Variants in ADAP2 observed in about 807,000 individuals in gnomAD.
The protein encoded by ADAP2 is arf-GAP with dual PH domain-containing protein 2.
ADAP2 carries 42 observed loss-of-function variants against 54.9 expected under a neutral mutation model. That is an observed-to-expected ratio of 0.77 (90% confidence interval 0.60 to 0.99). ADAP2 has a LOEUF of 0.99. Ranked by LOEUF, ADAP2 falls within the 50% of genes least tolerant of loss-of-function variation. ADAP2 has a pLI of 0.00. For synonymous variants in ADAP2, 177 were observed against 180.1 expected, an observed-to-expected ratio of 0.98 and a Z score of 0.14; for missense variants, 429 against 480.4, an observed-to-expected ratio of 0.89 and a Z score of 1.00.
intron 8 of ADAP2, 129 bp from the exon 9 acceptor site, chr17:30,954,349 G>A: frequency 1.3e-6 from 1 of 755,034 alleles, no homozygotes; most frequent in Non-Finnish European, 2.3e-6. Context: ...TAGGATGTCT[G>A]ACTGAGGAGG....
intron 2 of ADAP2, among the ~76,000 whole-genome samples, chr17:30,923,683 T>A (rs1323940342): frequency 3.3e-5 from 5 of 151,278 alleles, no homozygotes; most frequent in African/African-American, 1.2e-4. Context: ...TTCTCTTTTT[T>A]TCTTTCTTCC....
At position 30,933,625 on chromosome 17, in the gene ADAP2, G is replaced by C. The variant is rs556427550; in HGVS notation, c.398-560G>C. ...AGTGATTCTCCTGTCTCAGCCTCCTGAGTAGCTGGGATTACAGGCACGCGC... is the reference window on the plus strand; with the variant it reads ...AGTGATTCTCCTGTCTCAGCCTCCTCAGTAGCTGGGATTACAGGCACGCGC... On this transcript the variant is annotated intron_variant, in intron 4 of 10. Transcript: ENST00000330889. Among the ~76,000 whole-genome samples the C allele has an allele frequency of 1.5e-4, 23 of 152,302 alleles. No homozygotes were observed. In the South Asian group the frequency reaches 3.1e-3, roughly 21 times the overall value.
chr17:30,943,035 A>G (rs950018082), intron 5 of ADAP2, among the ~76,000 whole-genome samples: 21 of 152,332 alleles, frequency 1.4e-4, no homozygotes, highest in African/African-American at 5.1e-4. Flanking sequence ...TGACCCAGCA[A>G]TCCCATTACT....
intron 4 of ADAP2, among the ~76,000 whole-genome samples, chr17:30,932,230 CT>C (rs769096794): frequency 0.078 from 9,220 of 118,896 alleles, 939 homozygotes; most frequent in African/African-American, 0.27. Context: ...TGTACAGACT[CT>C]TTTTTTTTTT....
At position 30,949,381 on chromosome 17, in the gene ADAP2, T is replaced by G. The variant is rs1315988965; in HGVS notation, c.741+11T>G. 5.0e-6 allele frequency: 8 copies of G among 1,611,524 alleles called. No homozygotes were observed. Among genetic ancestry groups the G allele is most frequent in the Non-Finnish European group, 6.8e-6 (8 of 1,177,634 alleles). ...CTCCCAGAGTCTGAGGTGAGCTAAA[T>G]GCGGACCCCAATTTCTGAATCTCCT... On this transcript the variant is annotated intron_variant, in intron 7 of 10. Transcript: ENST00000330889.
intron 5 of ADAP2, among the ~76,000 whole-genome samples, chr17:30,937,684 G>C (rs890287639): frequency 6.6e-5 from 10 of 152,168 alleles, no homozygotes; most frequent in African/African-American, 2.4e-4. Context: ...GTCAGATTCT[G>C]GATATATTTT....
At chr17:30,936,181 G>A (rs1911858515) in intron 5 of ADAP2, among the ~76,000 whole-genome samples, 1 of 151,938 alleles carries the variant, frequency 6.6e-6, no homozygotes, top group African/African-American at 2.4e-5. Flanking sequence ...TAGAGACAGA[G>A]TCTTCCTCTG....
At chr17:30,954,247 T>A in intron 8 of ADAP2, 1 of 427,884 alleles carries the variant, frequency 2.3e-6, no homozygotes, top group Admixed American at 3.5e-5. Flanking sequence ...GGCAGCAGGG[T>A]GAAGCTGGCA....
intron 8 of ADAP2, 35 bp from the exon 9 acceptor site, chr17:30,954,443 T>C: frequency 6.3e-7 from 1 of 1,599,720 alleles, no homozygotes; most frequent in South Asian, 1.1e-5. Flanking sequence ...GAAACTGACC[T>C]GGTCATCTGT....
At position 30,921,997 on chromosome 17, in the gene ADAP2, G is replaced by GAGCCCCGCTT; in HGVS notation, c.-13_-12insCGCTTAGCCC. On this transcript the variant is annotated 5_prime_UTR_variant, in exon 1 of 11. Coordinates refer to ENST00000330889, the MANE Select transcript of ADAP2 (RefSeq NM_018404.3). ...CACGGGCCATGGGCTGAGCCCCGCT[G>GAGCCCCGCTT]AGCCCGCCGGGCCGGCCATGGGCGA... 1 of 1,265,622 alleles carries GAGCCCCGCTT rather than the reference G, an allele frequency of 7.9e-7. No homozygotes were observed. Among genetic ancestry groups the GAGCCCCGCTT allele is most frequent in the Non-Finnish European group, 9.9e-7 (1 of 1,009,076 alleles). 78.4% of individuals were successfully genotyped at this position (1,265,622 alleles called of 1,614,324 possible). A position where few individuals can be genotyped will look rare whatever the true frequency, so the allele number is the denominator to read the frequency against.
intron 5 of ADAP2, among the ~76,000 whole-genome samples, chr17:30,935,921 A>G (rs774149397): frequency 2.6e-5 from 4 of 152,128 alleles, no homozygotes; most frequent in African/African-American, 4.8e-5. Context: ...GTTTATTGAG[A>G]TACAATTCAC....
chr17:30,927,983 A>C (rs1350191488), intron 3 of ADAP2, among the ~76,000 whole-genome samples: 3 of 151,774 alleles, frequency 2.0e-5, no homozygotes, highest in African/African-American at 7.3e-5. Flanking sequence ...CACATGTGTC[A>C]CTGCACTCTA....
In ADAP2 at chr17:30,931,932, G is replaced by T. The variant is rs1264614322; in HGVS notation, c.361G>T (p.Glu121Ter). The change falls in exon 4 of 11, where the codon GAA becomes TAA. Residue 121 changes from glutamate (E) to a stop codon, truncating the protein, a stop_gained. Transcript: ENST00000330889. LOFTEE classifies it high-confidence loss of function. Reference protein sequence around the residue: ...QWIRAKYERREFMADGETISL... With the variant: ...QWIRAKYERR ...GATTCGAGCTAAGTATGAGAGACGGGAATTTATGGCTGATGGGGAAACCAT... is the reference window on the plus strand; with the variant it reads ...GATTCGAGCTAAGTATGAGAGACGGTAATTTATGGCTGATGGGGAAACCAT... The T allele has an allele frequency of 6.2e-7, 1 of 1,614,070 alleles. No homozygotes were observed. Among genetic ancestry groups the T allele is most frequent in the East Asian group, 2.2e-5 (1 of 44,882 alleles).
At chr17:30,923,279 T>TG (rs1357271976) in intron 2 of ADAP2, among the ~76,000 whole-genome samples, 2 of 151,618 alleles carry the variant, frequency 1.3e-5, no homozygotes, top group Non-Finnish European at 2.9e-5. Flanking sequence ...TTTTTTTTTT[T>TG]TTTGAGACGG....
At chr17:30,934,414 G>A (rs1291028399) in intron 5 of ADAP2, 117 bp downstream of exon 5, 1 of 682,142 alleles carries the variant, frequency 1.5e-6, no homozygotes, top group Non-Finnish European at 2.4e-6. Flanking sequence ...CTGAGAGTTA[G>A]GCACAACATT....
At chr17:30,953,877 C>T (rs1904867639) in intron 8 of ADAP2, among the ~76,000 whole-genome samples, 1 of 132,534 alleles carries the variant, frequency 7.5e-6, no homozygotes, top group Non-Finnish European at 1.5e-5. Context: ...GATATTTTTG[C>T]GATTTTTTTT....
chr17:30,924,210 A>G (rs1268509683), intron 2 of ADAP2, among the ~76,000 whole-genome samples: 1 of 152,020 alleles, frequency 6.6e-6, no homozygotes, highest in Admixed American at 6.6e-5. Flanking sequence ...CCGTCTTTAC[A>G]AAAAATACAA....
At position 30,922,178 on chromosome 17, in the gene ADAP2, C is replaced by T. The variant is rs938068851; in HGVS notation, c.94+70C>T. ...CCCAGGCCCACCCGACTCCTCCCCT[C>T]GGCCCCACCGGGTCCCGCCCTCGGC... On this transcript the variant is annotated intron_variant, in intron 1 of 10. Coordinates refer to ENST00000330889, the MANE Select transcript of ADAP2 (RefSeq NM_018404.3). 4.0e-5 allele frequency: 44 copies of T among 1,108,118 alleles called. No individual in the cohort carries two copies. The Middle Eastern group carries it at 1.0e-3, about 26-fold the overall frequency. 68.6% of individuals were successfully genotyped at this position (1,108,118 alleles called of 1,614,324 possible).
intron 3 of ADAP2, among the ~76,000 whole-genome samples, chr17:30,928,576 C>A (rs183779527): frequency 1.1e-4 from 16 of 152,238 alleles, no homozygotes; most frequent in Admixed American, 6.5e-4. Context: ...TTATTTAATT[C>A]TTTCAACAAC....
Sources: gnomAD v4.1 joint callset for allele counts (sites outside exome capture counted in the v4.1 genomes callset) on GRCh38, gnomAD v4.1.1 for gene constraint, MANE v1.5 for transcripts, NCBI Gene and HGNC (gene_info 2026-07-23, HGNC 2026-07-21) for gene names.